PCDHA7: variants seen among roughly 807,000 people sequenced by gnomAD.
The protein encoded by PCDHA7 is protocadherin alpha-7.
A neutral mutation model predicts 57.2 loss-of-function variants in PCDHA7; 37 were observed. The observed-to-expected ratio is 0.65, with a 90% CI of 0.50 to 0.85. The LOEUF (loss-of-function observed/expected upper bound fraction) is 0.85. Among genes scored for constraint, PCDHA7 ranks in the 40% least tolerant of loss-of-function variants. The pLI is 0.00. For missense variants in PCDHA7, 1,188 were observed against 1,241.8 expected (o/e 0.96, Z 0.65); for synonymous variants, 553 against 558.8 (o/e 0.99, Z 0.15).
At chr5:140,962,928 A>G (rs1447478531) in intron 1 of PCDHA7, among the ~76,000 whole-genome samples, 5 of 152,186 alleles carry the variant, frequency 3.3e-5, no homozygotes, top group African/African-American at 1.2e-4. Flanking sequence ...GATACTTCTC[A>G]ACCTCCTCTC....
At chr5:140,960,380 A>G (rs2095544105) in intron 1 of PCDHA7, among the ~76,000 whole-genome samples, 2 of 152,200 alleles carry the variant, frequency 1.3e-5, no homozygotes, top group African/African-American at 4.8e-5. Flanking sequence ...TTAAGTGCCA[A>G]GACATTAGGA....
intron 1 of PCDHA7, among the ~76,000 whole-genome samples, chr5:140,948,544 G>A (rs2094271073): frequency 1.3e-5 from 2 of 151,392 alleles, no homozygotes; most frequent in Admixed American, 1.3e-4. Flanking sequence ...TTCATGCTCT[G>A]TCAATTTTGT....
intron 1 of PCDHA7, chr5:140,877,670 C>T: frequency 6.8e-6 from 11 of 1,613,654 alleles, no homozygotes; most frequent in Non-Finnish European, 7.6e-6. Flanking sequence ...AGCCGGTGCG[C>T]GCCGGGCAAG....
intron 1 of PCDHA7, among the ~76,000 whole-genome samples, chr5:140,890,244 C>T (rs1404459938): frequency 6.6e-6 from 1 of 152,052 alleles, no homozygotes; most frequent in Non-Finnish European, 1.5e-5. Flanking sequence ...TTTACCAGTA[C>T]ACTACTGCAC....
intron 1 of PCDHA7, chr5:140,850,397 G>A: frequency 1.3e-6 from 2 of 1,597,954 alleles, no homozygotes; most frequent in Non-Finnish European, 1.7e-6. Context: ...TCAGCACAAC[G>A]CGTGCCCTGG....
chr5:140,882,637 G>A (rs540228460), intron 1 of PCDHA7: 1 of 1,614,234 alleles, frequency 6.2e-7, no homozygotes, highest in African/African-American at 1.3e-5. Flanking sequence ...AGGTGAAGGT[G>A]AGGGACATTA....
intron 1 of PCDHA7, chr5:140,849,014 C>T: frequency 1.3e-6 from 2 of 1,590,086 alleles, no homozygotes; most frequent in East Asian, 2.2e-5. Flanking sequence ...ACAGACTGAG[C>T]CCCAATGAGT....
intron 1 of PCDHA7, among the ~76,000 whole-genome samples, chr5:140,905,749 C>T (rs1442006265): frequency 6.6e-6 from 1 of 152,162 alleles, no homozygotes; most frequent in Non-Finnish European, 1.5e-5. Flanking sequence ...AGATCTTTCA[C>T]CTCCTTGGTT....
rs2150215760 is a variant in PCDHA7, at chr5:140,834,364, A to G, written c.-20A>G. ...CGAAGGCAAGTTTTGCTGACTAGAA[A>G]AACAAGCCAATAATTTGAAATGGTG... On this transcript the variant is annotated 5_prime_UTR_variant, in exon 1 of 4. Transcript: ENST00000525929. 6.4e-7 allele frequency: 1 copy of G among 1,553,394 alleles called. No homozygotes were observed. The highest frequency in any genetic ancestry group is 8.7e-7 in the Non-Finnish European group (1 of 1,151,914).
intron 1 of PCDHA7, among the ~76,000 whole-genome samples, chr5:140,901,807 C>T (rs1227752610): frequency 6.6e-6 from 1 of 152,116 alleles, no homozygotes; most frequent in Non-Finnish European, 1.5e-5. Context: ...AACATTTTTA[C>T]AATATTGATT....
intron 1 of PCDHA7, chr5:140,877,898 A>G: frequency 6.9e-7 from 1 of 1,445,150 alleles, no homozygotes. Context: ...CGTTTAGGTT[A>G]TAACTACATT....
At chr5:140,916,263 C>A (rs541005754) in intron 1 of PCDHA7, among the ~76,000 whole-genome samples, 43 of 152,316 alleles carry the variant, frequency 2.8e-4, no homozygotes, top group African/African-American at 1.0e-3. Flanking sequence ...ACCCCAAGAG[C>A]ATGCTTGTTG....
chr5:140,839,307 C>T (rs1554137377), intron 1 of PCDHA7, among the ~76,000 whole-genome samples: 1 of 151,838 alleles, frequency 6.6e-6, no homozygotes, highest in Non-Finnish European at 1.5e-5. Flanking sequence ...TTTAAATATC[C>T]TATTTATATT....
intron 1 of PCDHA7, among the ~76,000 whole-genome samples, chr5:140,892,059 G>A (rs1165045634): frequency 6.6e-6 from 1 of 152,108 alleles, no homozygotes; most frequent in African/African-American, 2.4e-5. Context: ...CAAATTTATT[G>A]TTACTTTGTA....
At chr5:140,920,713 G>A (rs140720388) in intron 1 of PCDHA7, among the ~76,000 whole-genome samples, 41 of 152,140 alleles carry the variant, frequency 2.7e-4, no homozygotes, top group African/African-American at 9.6e-4. Context: ...GCATGGTGGT[G>A]TGCGCCTGCA....
At chr5:140,879,141 G>T (rs1413837977) in intron 1 of PCDHA7, among the ~76,000 whole-genome samples, 1 of 152,192 alleles carries the variant, frequency 6.6e-6, no homozygotes, top group Non-Finnish European at 1.5e-5. Flanking sequence ...GATTGTGAAG[G>T]CAGGAAAGCT....
Position 140,870,844 on chromosome 5 carries a change from C to T in PCDHA7, c.2355+34106C>T. The T allele has an allele frequency of 3.1e-6, 5 of 1,613,832 alleles. No homozygotes were observed. The highest frequency in any genetic ancestry group is 4.2e-6 in the Non-Finnish European group (5 of 1,179,882). ...GGGAGGCGCAGTTAACAAGCTAGTA[C>T]CGCGGTCGGTGGGTGCGGGCCACGT... On this transcript the variant is annotated intron_variant, in intron 1 of 3. Transcript: ENST00000525929.
chr5:140,854,265 A>C lies in PCDHA7; in HGVS notation c.2355+17527A>C, dbSNP rs2043061448. The C allele has an allele frequency of 6.7e-6, 4 of 593,530 alleles. 1 individual carries two copies. The highest frequency in any genetic ancestry group is 4.0e-5 in the African/African-American group (2 of 49,606). The allele number at this position is 593,530 out of a possible 1,614,324, so 36.8% of individuals were successfully genotyped here. A position where few individuals can be genotyped will look rare whatever the true frequency, so the allele number is the denominator to read the frequency against. ...TATCACTTGGTATAAAATGTACATT[A>C]GTAGAAATTGAGTTTAGTTTTTATT... On this transcript the variant is annotated intron_variant, in intron 1 of 3. Transcript: ENST00000525929.
chr5:140,971,451 T>C (rs1442240847), intron 1 of PCDHA7, among the ~76,000 whole-genome samples: 2 of 152,110 alleles, frequency 1.3e-5, no homozygotes, highest in East Asian at 1.9e-4. Flanking sequence ...GCTCCAGAAA[T>C]TTTTGCAGTT....
Sources: allele counts gnomAD v4.1 joint callset (sites outside exome capture counted in the v4.1 genomes callset), GRCh38; gene constraint gnomAD v4.1.1; transcripts MANE v1.5; gene names NCBI Gene and HGNC (gene_info 2026-07-23, HGNC 2026-07-21).